NRG1: variants seen among roughly 807,000 people sequenced by gnomAD.
NRG1 encodes the protein neuregulin 1, also known as pro-neuregulin-1, membrane-bound isoform.
In NRG1, 18 loss-of-function variants were observed where a neutral mutation model predicts 63.8. That is an observed-to-expected ratio of 0.28 (90% CI 0.19 to 0.42). The LOEUF (loss-of-function observed/expected upper bound fraction) is 0.42. Ranked by LOEUF, NRG1 falls within the 10% of genes least tolerant of loss-of-function variation. The pLI, the probability that NRG1 is intolerant of heterozygous loss-of-function variation, is 1.00. For missense variants in NRG1, 762 were observed against 814.7 expected, an observed-to-expected ratio of 0.94 and a Z score of 0.79; for synonymous variants, 302 against 301.3, an observed-to-expected ratio of 1.00 and a Z score of -0.02.
At chr8:31,832,114 T>C (rs57133232) in intron 1 of NRG1, among the ~76,000 whole-genome samples, 3 of 152,196 alleles carry the variant, frequency 2.0e-5, no homozygotes, top group Non-Finnish European at 2.9e-5. Flanking sequence ...AAGGAATGCA[T>C]TGTGGATTCT....
chr8:32,663,011 A>G (rs906307536), intron 5 of NRG1, among the ~76,000 whole-genome samples: 1 of 152,222 alleles, frequency 6.6e-6, no homozygotes, highest in African/African-American at 2.4e-5. Context: ...AGTGAAATTG[A>G]GGATGTCTGC....
chr8:32,759,489 A>T, intron 10 of NRG1, 53 bp downstream of exon 10: 1 of 1,587,206 alleles, frequency 6.3e-7, no homozygotes, highest in Non-Finnish European at 8.6e-7. Flanking sequence ...ATTGTTGCAC[A>T]TTGCCTTTTG....
At chr8:32,607,425 C>T (rs1032702273) in intron 3 of NRG1, among the ~76,000 whole-genome samples, 1 of 152,076 alleles carries the variant, frequency 6.6e-6, no homozygotes, top group South Asian at 2.1e-4. Flanking sequence ...AGCTATACCA[C>T]AAAGTCCCAG....
At chr8:32,736,065 G>T (rs1478984057) in intron 6 of NRG1, among the ~76,000 whole-genome samples, 1 of 151,842 alleles carries the variant, frequency 6.6e-6, no homozygotes, top group East Asian at 1.9e-4. Context: ...GATATAGGTT[G>T]GATCTGAAGG....
chr8:31,946,143 A>T (rs909810340), intron 1 of NRG1, among the ~76,000 whole-genome samples: 8 of 152,202 alleles, frequency 5.3e-5, no homozygotes, highest in Non-Finnish European at 1.0e-4. Context: ...ACAGCTTTAT[A>T]ATTGCCTAAA....
chr8:32,230,780 C>CAT (rs1846841036), intron 1 of NRG1, among the ~76,000 whole-genome samples: 6 of 68,410 alleles, frequency 8.8e-5, no homozygotes, highest in African/African-American at 3.9e-4. Context: ...ACATGGGGTA[C>CAT]ATGTGAAATT....
chr8:32,458,800 A>G (rs1821936055), intron 1 of NRG1, among the ~76,000 whole-genome samples: 1 of 152,164 alleles, frequency 6.6e-6, no homozygotes. Context: ...GTGTTTGCTT[A>G]TTTGTTTCCC....
In NRG1 at chr8:31,840,175, A is replaced by C. The variant is rs1378609480; in HGVS notation, c.37+200744A>C. Among the ~76,000 whole-genome samples the C allele has an allele frequency of 7.9e-5, 12 of 152,118 alleles. 1 individual carries two copies. Among genetic ancestry groups the C allele is most frequent in the Admixed American group, 7.9e-4 (12 of 15,264 alleles). On this transcript the variant is annotated intron_variant, in intron 1 of 10. Coordinates refer to the NRG1 transcript ENST00000519301. ...AATTTAGTATCAAGGTGATGGGCAA[A>C]ATGACTTACACCAATTTGTGACGGT...
At chr8:32,190,452 T>A (rs1842381941) in intron 1 of NRG1, among the ~76,000 whole-genome samples, 1 of 152,184 alleles carries the variant, frequency 6.6e-6, no homozygotes, top group Non-Finnish European at 1.5e-5. Context: ...GAGGTCCCAG[T>A]TCATCTTTCC....
chr8:32,435,078 T>C (rs1818618250), intron 1 of NRG1, among the ~76,000 whole-genome samples: 1 of 152,164 alleles, frequency 6.6e-6, no homozygotes, highest in African/African-American at 2.4e-5. Flanking sequence ...GGAGACACTA[T>C]GCCTATGGTT....
chr8:32,684,596 G>T (rs894990424), intron 5 of NRG1, among the ~76,000 whole-genome samples: 1 of 152,058 alleles, frequency 6.6e-6, no homozygotes, highest in African/African-American at 2.4e-5. Context: ...GCTACAAGAG[G>T]TGTTATTTGA....
At chr8:31,657,285 T>C (rs1359348326) in intron 1 of NRG1, among the ~76,000 whole-genome samples, 2 of 152,186 alleles carry the variant, frequency 1.3e-5, no homozygotes, top group Non-Finnish European at 2.9e-5. Flanking sequence ...AACCACACGT[T>C]ACAAATTTTT....
chr8:32,345,220 T>C (rs1240238220), intron 1 of NRG1, among the ~76,000 whole-genome samples: 1 of 152,224 alleles, frequency 6.6e-6, no homozygotes, highest in Admixed American at 6.5e-5. Context: ...TGCTCTTCCA[T>C]TGTGCAAGCA....
intron 1 of NRG1, among the ~76,000 whole-genome samples, chr8:31,979,679 C>T (rs993963278): frequency 6.6e-6 from 1 of 152,078 alleles, no homozygotes; most frequent in South Asian, 2.1e-4. Flanking sequence ...ATTTTAAGCA[C>T]CTTGAGGACA....
intron 1 of NRG1, among the ~76,000 whole-genome samples, chr8:32,198,770 C>A (rs1843212327): frequency 6.6e-6 from 1 of 152,042 alleles, no homozygotes; most frequent in African/African-American, 2.4e-5. Context: ...TATTCTTAAA[C>A]CTGTCATTTC....
At chr8:31,834,504 CA>C (rs1825514886) in intron 1 of NRG1, among the ~76,000 whole-genome samples, 1 of 152,160 alleles carries the variant, frequency 6.6e-6, no homozygotes, top group African/African-American at 2.4e-5. Context: ...CTCAGGAGTT[CA>C]AGACCAGCCT....
At chr8:32,577,946 G>A (rs1367908097) in intron 1 of NRG1, among the ~76,000 whole-genome samples, 4 of 152,144 alleles carry the variant, frequency 2.6e-5, no homozygotes, top group African/African-American at 9.7e-5. Context: ...ACCACTTGCA[G>A]TAAGGAAGGC....
intron 1 of NRG1, among the ~76,000 whole-genome samples, chr8:31,949,952 AG>A (rs571589933): frequency 4.6e-5 from 7 of 152,186 alleles, no homozygotes; most frequent in Non-Finnish European, 7.3e-5. Flanking sequence ...TAAAACACAA[AG>A]CTTATACCAT....
At chr8:32,311,842 A>C (rs902458071) in intron 1 of NRG1, among the ~76,000 whole-genome samples, 1 of 152,204 alleles carries the variant, frequency 6.6e-6, no homozygotes, top group Admixed American at 6.5e-5. Context: ...GTAGAGAGGA[A>C]AGCTCAAAGT....
Sources: allele counts gnomAD v4.1 joint callset (sites outside exome capture counted in the v4.1 genomes callset), GRCh38; gene constraint gnomAD v4.1.1; transcripts MANE v1.5; gene names NCBI Gene and HGNC (gene_info 2026-07-23, HGNC 2026-07-21).